Variants in CWF19L1 observed in about 807,000 individuals in gnomAD.
CWF19L1 encodes CWF19 like cell cycle control factor 1, also known as CWF19-like protein 1.
Under a neutral mutation model 69.7 loss-of-function variants are expected in CWF19L1, and 60 were observed. The ratio of observed to expected loss-of-function variants is 0.86; its 90% confidence interval spans 0.70 to 1.07. CWF19L1 has a LOEUF of 1.07. Ranked by LOEUF, CWF19L1 falls within the 50% of genes least tolerant of loss-of-function variation. CWF19L1 has a pLI of 0.00. For missense variants in CWF19L1, 591 were observed against 638.9 expected (o/e 0.92, Z 0.81); for synonymous variants, 209 against 222.2 (o/e 0.94, Z 0.53).
chr10:100,247,723 C>G (rs1047286741), intron 7 of CWF19L1, among the ~76,000 whole-genome samples: 5 of 152,132 alleles, frequency 3.3e-5, no homozygotes, highest in Admixed American at 1.3e-4. Context: ...GGAGAAATCC[C>G]ATCTCTACTA....
At chr10:100,260,901 T>C (rs1589633393) in intron 3 of CWF19L1, 65 bp downstream of exon 3, 2 of 983,018 alleles carry the variant, frequency 2.0e-6, no homozygotes, top group Non-Finnish European at 3.1e-6. Context: ...AAAACAACTC[T>C]GCAAGAACTC....
intron 4 of CWF19L1, among the ~76,000 whole-genome samples, chr10:100,259,215 A>C (rs1428722060): frequency 6.6e-6 from 1 of 151,990 alleles, no homozygotes; most frequent in East Asian, 1.9e-4. Flanking sequence ...AAAAAAAAAA[A>C]AAAGAGTTGA....
chr10:100,245,694 T>C, intron 9 of CWF19L1, 105 bp downstream of exon 9: 2 of 807,002 alleles, frequency 2.5e-6, no homozygotes, highest in Non-Finnish European at 4.1e-6. Context: ...CATTGCACAA[T>C]TCTCCCCTGC....
intron 4 of CWF19L1, among the ~76,000 whole-genome samples, chr10:100,259,751 T>A (rs1274479590): frequency 6.6e-6 from 1 of 152,012 alleles, no homozygotes; most frequent in African/African-American, 2.4e-5. Context: ...GCAGCACATA[T>A]ACAGACTCTG....
chr10:100,232,390 C>T lies in CWF19L1; in HGVS notation c.*837G>A, dbSNP rs890127906. On this transcript the variant is annotated 3_prime_UTR_variant, in exon 14 of 14. Transcript: ENST00000354105. The stretch of plus-strand genomic sequence containing the variant: ...GCTGTACTTGGAGCTGGATAACAGA[C>T]ATAGGAGCTGGATGACAGACATACT... 1 of 152,226 alleles carries T rather than the reference C, an allele frequency of 6.6e-6. No homozygotes were observed. The highest frequency in any genetic ancestry group is 1.5e-5 in the Non-Finnish European group (1 of 68,064). The allele number at this position is 152,226 out of a possible 1,614,324, so 9.4% of individuals were successfully genotyped here. A position where few individuals can be genotyped will look rare whatever the true frequency, so the allele number is the denominator to read the frequency against.
intron 6 of CWF19L1, among the ~76,000 whole-genome samples, chr10:100,253,088 T>C (rs1847095986): frequency 6.6e-6 from 1 of 152,170 alleles, no homozygotes; most frequent in African/African-American, 2.4e-5. Context: ...GGCGTAGTCA[T>C]TGCACACTAT....
intron 10 of CWF19L1, among the ~76,000 whole-genome samples, chr10:100,239,142 C>G (rs1001096657): frequency 9.2e-5 from 14 of 152,102 alleles, no homozygotes; most frequent in Non-Finnish European, 1.8e-4. Flanking sequence ...AGTAAAACCT[C>G]AAACTCAGAT....
intron 1 of CWF19L1, chr10:100,262,546 T>C (rs1250145443): frequency 3.7e-6 from 3 of 808,520 alleles, no homozygotes; most frequent in Non-Finnish European, 4.5e-6. Flanking sequence ...ATATGCCAAG[T>C]ATACTATGCT....
chr10:100,239,724 A>G (rs1017479979), intron 10 of CWF19L1, among the ~76,000 whole-genome samples: 32 of 152,222 alleles, frequency 2.1e-4, no homozygotes, highest in African/African-American at 7.7e-4. Context: ...CTTCTCATCT[A>G]TAATAAGAAA....
chr10:100,239,645 A>C (rs1181557520), intron 10 of CWF19L1, among the ~76,000 whole-genome samples: 2 of 152,208 alleles, frequency 1.3e-5, no homozygotes, highest in Non-Finnish European at 2.9e-5. Context: ...TCAGGAAAAA[A>C]AATAAAAAAT....
intron 4 of CWF19L1, among the ~76,000 whole-genome samples, chr10:100,257,285 A>AC (rs1847243123): frequency 7.6e-6 from 1 of 131,210 alleles, no homozygotes; most frequent in African/African-American, 2.9e-5. Flanking sequence ...TAAGTGCTTT[A>AC]CCTTTTTTTT....
At chr10:100,234,831 T>C (rs1442814671) in intron 13 of CWF19L1, among the ~76,000 whole-genome samples, 1 of 152,224 alleles carries the variant, frequency 6.6e-6, no homozygotes, top group Non-Finnish European at 1.5e-5. Flanking sequence ...TTTGCAGTCA[T>C]GTTTTGCCTG....
intron 8 of CWF19L1, among the ~76,000 whole-genome samples, chr10:100,246,303 G>T (rs958460069): frequency 6.6e-6 from 1 of 152,192 alleles, no homozygotes; most frequent in Non-Finnish European, 1.5e-5. Context: ...AGGCTGCTTG[G>T]AAAGAAAGAA....
chr10:100,250,246 AC>A lies in CWF19L1; in HGVS notation c.708+1del. ...CCTTCCACCAAATAGGTAAATCTTTACCTTTTTCTTTTCTGGATTTCCAACA... is the reference window on the plus strand; with the variant it reads ...CCTTCCACCAAATAGGTAAATCTTTACTTTTTCTTTTCTGGATTTCCAACA... On this transcript the variant is annotated splice_donor_variant, in intron 7 of 13. Coordinates refer to ENST00000354105, the MANE Select transcript of CWF19L1 (RefSeq NM_018294.6). LOFTEE classifies it high-confidence loss of function. The A allele has an allele frequency of 6.3e-7, 1 of 1,594,224 alleles. No homozygotes were observed. The highest frequency in any genetic ancestry group is 8.6e-7 in the Non-Finnish European group (1 of 1,162,350).
intron 11 of CWF19L1, among the ~76,000 whole-genome samples, chr10:100,237,635 A>G (rs1334346984): frequency 2.0e-5 from 3 of 152,026 alleles, no homozygotes; most frequent in African/African-American, 2.4e-5. Context: ...TTTACATATT[A>G]AAGCTAAACT....
chr10:100,236,956 G>T lies in CWF19L1; in HGVS notation c.1268C>A (p.Pro423Gln). 1 of 1,596,598 alleles carries T rather than the reference G, an allele frequency of 6.3e-7. No individual in the cohort carries two copies. The highest frequency in any genetic ancestry group is 8.5e-7 in the Non-Finnish European group (1 of 1,172,068). Residue 423 changes from proline (P) to glutamine (Q), a missense_variant, in exon 12 of 14, where the codon CCA (proline) becomes CAA (glutamine). Around this residue, in one of 3 missense-constraint regions of CWF19L1, gnomAD observed 458 missense variants for 489.3 expected, o/e 0.94. Coordinates refer to ENST00000354105, the MANE Select transcript of CWF19L1 (RefSeq NM_018294.6). ...HHLQLQVIPV[P>Q]ISCSTTDDIK... ...GTCATCAGTAGTAGAGCAGCTGATT[G>T]GGACAGGAATGACCTGGGGGTTGGG...
At chr10:100,238,993 C>T (rs1846549477) in intron 10 of CWF19L1, among the ~76,000 whole-genome samples, 1 of 150,580 alleles carries the variant, frequency 6.6e-6, no homozygotes, top group Admixed American at 6.6e-5. Flanking sequence ...TCATTCCCAC[C>T]CCCACCCCCG....
intron 1 of CWF19L1, among the ~76,000 whole-genome samples, chr10:100,263,194 A>G (rs1233311160): frequency 6.6e-6 from 1 of 152,204 alleles, no homozygotes; most frequent in African/African-American, 2.4e-5. Context: ...TCAAAACATT[A>G]AGAGGTTCCC....
At chr10:100,250,791 T>C (rs1406537720) in intron 6 of CWF19L1, among the ~76,000 whole-genome samples, 1 of 151,810 alleles carries the variant, frequency 6.6e-6, no homozygotes, top group Non-Finnish European at 1.5e-5. Flanking sequence ...ACAAAAAAAA[T>C]TTTTTAATTA....
Sources: allele counts gnomAD v4.1 joint callset (sites outside exome capture counted in the v4.1 genomes callset), GRCh38; gene constraint gnomAD v4.1.1; regional missense constraint gnomAD v4.1.1; transcripts MANE v1.5; gene names NCBI Gene and HGNC (gene_info 2026-07-23, HGNC 2026-07-21).